Variants in ZNF420 observed in about 807,000 individuals in gnomAD.
ZNF420 encodes ATM and p53-associated KZNF protein.
A neutral mutation model predicts 44.7 loss-of-function variants in ZNF420; 31 were observed. The ratio of observed to expected loss-of-function variants is 0.69; its 90% CI spans 0.52 to 0.94. ZNF420 has a LOEUF of 0.94. Among genes scored for constraint, ZNF420 ranks in the 40% least tolerant of loss-of-function variants. The pLI is 0.00. For synonymous variants in ZNF420, 245 were observed against 267.4 expected, an observed-to-expected ratio of 0.92 and a Z score of 0.82; for missense variants, 681 against 827.9, an observed-to-expected ratio of 0.82 and a Z score of 2.18.
chr19:37,076,293 T>C (rs906347737), upstream of ZNF420, among the ~76,000 whole-genome samples: 7 of 151,900 alleles, frequency 4.6e-5, no homozygotes, highest in Non-Finnish European at 1.0e-4. Context: ...AACCAGAATG[T>C]GTCTGTCACC....
chr19:37,049,427 A>G (rs1399699585), intron 1 of ZNF420, among the ~76,000 whole-genome samples: 1 of 152,216 alleles, frequency 6.6e-6, no homozygotes, highest in Non-Finnish European at 1.5e-5. Flanking sequence ...GTGAGATTGT[A>G]TCTCATTGTG....
intron 1 of ZNF420, among the ~76,000 whole-genome samples, chr19:37,059,993 C>T (rs188715003): frequency 1.3e-4 from 20 of 152,154 alleles, no homozygotes; most frequent in Admixed American, 5.2e-4. Context: ...CTTGTATGTC[C>T]GCCTGTCGTT....
intron 2 of ZNF420, among the ~76,000 whole-genome samples, chr19:37,081,421 A>G (rs1337407408): frequency 6.6e-6 from 1 of 151,598 alleles, no homozygotes; most frequent in African/African-American, 2.4e-5. Flanking sequence ...GGTTGATAGT[A>G]TTTTTTAAAT....
Position 37,128,341 on chromosome 19 carries a change from A to C in ZNF420, c.1350A>C (p.Lys450Asn), listed in dbSNP as rs767590096. 5.6e-6 allele frequency: 9 copies of C among 1,613,384 alleles called. No individual in the cohort carries two copies. In the South Asian group the frequency reaches 9.9e-5, roughly 18 times the overall value. The change falls in exon 5 of 5, where the codon AAA (lysine) becomes AAC (asparagine). Residue 450 changes from lysine (K) to asparagine (N), a missense_variant. Physicochemically the swap from Lys to Asn is moderately conservative, Grantham distance 94. Coordinates refer to ENST00000337995, the MANE Select transcript of ZNF420 (RefSeq NM_144689.5). ...IHTGEKPYEC[K>N]ECGKTFSRGS... is the part of the protein sequence containing the mutation. The stretch of plus-strand genomic sequence containing the variant: ...CTGGTGAGAAACCCTATGAATGTAA[A>C]GAATGTGGAAAAACCTTTAGTCGTG...
intron 1 of ZNF420, among the ~76,000 whole-genome samples, chr19:37,026,328 T>G (rs1190701305): frequency 6.6e-6 from 1 of 150,986 alleles, no homozygotes; most frequent in Non-Finnish European, 1.5e-5. Flanking sequence ...CGGCTCTTTT[T>G]TTTTTTTTTG....
chr19:37,108,227 A>C (rs926380476), intron 4 of ZNF420: 3 of 152,170 alleles, frequency 2.0e-5, no homozygotes, highest in Non-Finnish European at 4.4e-5. Flanking sequence ...TTAATCCCAT[A>C]ATCACTGCAA....
intron 1 of ZNF420, among the ~76,000 whole-genome samples, chr19:37,069,716 A>T (rs1257471237): frequency 1.3e-5 from 2 of 152,140 alleles, no homozygotes; most frequent in African/African-American, 2.4e-5. Context: ...TGGCTTTTAC[A>T]CCATCATAAA....
intron 1 of ZNF420, among the ~76,000 whole-genome samples, chr19:37,022,038 G>A (rs2074654163): frequency 6.6e-6 from 1 of 150,614 alleles, no homozygotes; most frequent in Admixed American, 6.6e-5. Flanking sequence ...TTTTGGAATA[G>A]GAAATTATTA....
chr19:37,047,296 A>C lies in ZNF420; in HGVS notation c.-124-33049A>C, dbSNP rs1967559240. ...CAGTCATGAAGGGAGAGTCTTCATC[A>C]ATGGGTTACACAAAGACTGGAGGGA... On this transcript the variant is annotated intron_variant, in intron 1 of 4. Transcript: ENST00000587029. 1.3e-5 allele frequency among the ~76,000 whole-genome samples: 2 copies of C among 152,224 alleles called. 1 individual carries two copies. Among genetic ancestry groups the C allele is most frequent in the South Asian group, 4.1e-4 (2 of 4,828 alleles).
In ZNF420 at chr19:37,105,382, T is replaced by C. The variant is rs541960169; in HGVS notation, c.136+14261T>C. Among the ~76,000 whole-genome samples the C allele has an allele frequency of 1.3e-3, 196 of 152,356 alleles. 2 individuals carry two copies. Among genetic ancestry groups the C allele is most frequent in the African/African-American group, 4.5e-3 (189 of 41,576 alleles). On this transcript the variant is annotated intron_variant, in intron 4 of 4. Coordinates refer to ENST00000337995, the MANE Select transcript of ZNF420 (RefSeq NM_144689.5). The stretch of plus-strand genomic sequence containing the variant: ...TATCTCTGTTTTGGTACCAGTACCA[T>C]GCTGTTTTGGTTACTGTAGCCTTGT...
At chr19:37,049,299 T>TC (rs1347059352) in intron 1 of ZNF420, among the ~76,000 whole-genome samples, 3 of 152,118 alleles carry the variant, frequency 2.0e-5, no homozygotes, top group East Asian at 1.9e-4. Context: ...CACACTGACT[T>TC]CACAATGGTT....
chr19:37,055,634 G>A (rs1281443190), intron 1 of ZNF420, among the ~76,000 whole-genome samples: 2 of 152,200 alleles, frequency 1.3e-5, no homozygotes, highest in South Asian at 2.1e-4. Context: ...AGGCGACACC[G>A]CTACTCCTGT....
intron 1 of ZNF420, among the ~76,000 whole-genome samples, chr19:37,061,034 C>T (rs1967869772): frequency 6.6e-6 from 1 of 152,140 alleles, no homozygotes. Context: ...CAGGCCCCCT[C>T]CTGGTTCCCA....
chr19:37,076,900 A>G (rs1044213136), upstream of ZNF420, among the ~76,000 whole-genome samples: 3 of 152,178 alleles, frequency 2.0e-5, no homozygotes, highest in South Asian at 6.2e-4. Flanking sequence ...GTGCAATTTA[A>G]TTATCTATAT....
At chr19:37,074,739 T>C (rs1447073295), upstream of ZNF420, among the ~76,000 whole-genome samples, 1 of 152,090 alleles carries the variant, frequency 6.6e-6, no homozygotes, top group African/African-American at 2.4e-5. Context: ...AATGGTGAAA[T>C]ATATAATATC....
At chr19:37,086,540 G>A (rs1006252446) in intron 2 of ZNF420, among the ~76,000 whole-genome samples, 2 of 152,046 alleles carry the variant, frequency 1.3e-5, no homozygotes, top group Non-Finnish European at 2.9e-5. Context: ...TATTGTTATC[G>A]ATTTTATTGT....
rs1049626333 is a variant in ZNF420 at position 37,089,045 on chromosome 19, A to C, written c.-74A>C. ...TCTGCTTTCTCCTCCGTAGCTCTGC[A>C]TTCTCCAGACTCTGTGCTTTCCTAA... On this transcript the variant is annotated 5_prime_UTR_variant, in exon 3 of 5. Coordinates refer to ENST00000337995, the MANE Select transcript of ZNF420 (RefSeq NM_144689.5). The C allele has an allele frequency of 2.5e-5, 35 of 1,376,358 alleles. No homozygotes were observed. The highest frequency in any genetic ancestry group is 3.5e-4 in the Middle Eastern group (2 of 5,662). The allele number at this position is 1,376,358 out of a possible 1,614,324, so 85.3% of individuals were successfully genotyped here. A position where few individuals can be genotyped will look rare whatever the true frequency, so the allele number is the denominator to read the frequency against.
chr19:37,037,551 A>C lies in ZNF420; in HGVS notation c.-125+29469A>C, dbSNP rs544539030. Among the ~76,000 whole-genome samples the C allele has an allele frequency of 3.3e-5, 5 of 152,272 alleles. No individual in the cohort carries two copies. In the South Asian group the frequency reaches 1.0e-3, roughly 32 times the overall value. On this transcript the variant is annotated intron_variant, in intron 1 of 4. Transcript: ENST00000587029. ...GCTGAGCACAAACACACAGCCCAGAAACACTTGCAGGTTAACAGCCTCAGG... is the reference window on the plus strand; with the variant it reads ...GCTGAGCACAAACACACAGCCCAGACACACTTGCAGGTTAACAGCCTCAGG...
intron 1 of ZNF420, among the ~76,000 whole-genome samples, chr19:37,079,404 T>C (rs1165562282): frequency 3.3e-5 from 5 of 152,188 alleles, no homozygotes; most frequent in Non-Finnish European, 5.9e-5. Flanking sequence ...GTGAGTCCCA[T>C]GTGGCTCTGT....
Sources: allele counts gnomAD v4.1 joint callset (sites outside exome capture counted in the v4.1 genomes callset), GRCh38; gene constraint gnomAD v4.1.1; transcripts MANE v1.5; gene names NCBI Gene and HGNC (gene_info 2026-07-23, HGNC 2026-07-21).